The following PCSK6 variants were observed in gnomAD, a reference collection of about 807,000 sequenced individuals.
PCSK6 encodes paired basic amino acid cleaving enzyme 4.
PCSK6 carries 85 observed loss-of-function variants against 123.3 expected under a neutral mutation model. The observed-to-expected ratio is 0.69, with a 90% confidence interval of 0.58 to 0.83. PCSK6 has a LOEUF of 0.83. Among genes scored for constraint, PCSK6 ranks in the 40% least tolerant of loss-of-function variants. The pLI, the probability that PCSK6 is intolerant of heterozygous loss-of-function variation, is 0.00. For synonymous variants in PCSK6, 508 were observed against 516.0 expected (o/e 0.98, Z 0.21); for missense variants, 1,191 against 1,282.3 (o/e 0.93, Z 1.09).
Position 101,305,703 on chromosome 15 carries a change from C to T in PCSK6, c.2813-348G>A, listed in dbSNP as rs913436479. 1 of 182,404 alleles carries T rather than the reference C, an allele frequency of 5.5e-6. No individual in the cohort carries two copies. Among genetic ancestry groups the T allele is most frequent in the East Asian group, 1.4e-4 (1 of 7,052 alleles). 11.3% of individuals were successfully genotyped at this position (182,404 alleles called of 1,614,324 possible). On this transcript the variant is annotated intron_variant, in intron 21 of 21. Coordinates refer to ENST00000611716, the MANE Select transcript of PCSK6 (RefSeq NM_002570.5). This position sits in a 1 kb window ranked among gnomAD's most constrained non-coding sequence, Gnocchi z 4.8. ...AGCCTGGGCAAGAAGAACAAAACTC[C>T]GTCTCAAAAATAAATAAATAAATAC...
chr15:101,337,498 T>TAAAGAA (rs2040508492), intron 13 of PCSK6: 1 of 152,218 alleles, frequency 6.6e-6, no homozygotes, highest in Admixed American at 6.5e-5. Flanking sequence ...TTGAGATATT[T>TAAAGAA]AAAGAAAAAT....
intron 5 of PCSK6, among the ~76,000 whole-genome samples, chr15:101,428,345 T>C (rs1450361632): frequency 1.3e-5 from 2 of 152,232 alleles, no homozygotes; most frequent in Non-Finnish European, 2.9e-5. Flanking sequence ...GGGTGGGTGC[T>C]GCGCCACCTC....
At chr15:101,357,603 C>T (rs2041080815) in intron 13 of PCSK6, among the ~76,000 whole-genome samples, 2 of 152,250 alleles carry the variant, frequency 1.3e-5, no homozygotes, top group South Asian at 4.1e-4. Context: ...GGCTGGGCTT[C>T]CCTCTCCACC....
intron 1 of PCSK6, among the ~76,000 whole-genome samples, chr15:101,482,116 T>G (rs1325818947): frequency 6.6e-6 from 1 of 152,272 alleles, no homozygotes; most frequent in Non-Finnish European, 1.5e-5. Flanking sequence ...CTTTTCTGTC[T>G]GATGATTTAC....
At chr15:101,358,473 A>C (rs547220783) in intron 13 of PCSK6, among the ~76,000 whole-genome samples, 2 of 152,242 alleles carry the variant, frequency 1.3e-5, no homozygotes, top group Admixed American at 1.3e-4. Context: ...GCATGGTACT[A>C]TTGGTTCCTG....
chr15:101,366,662 TC>T (rs1442649351), intron 12 of PCSK6, among the ~76,000 whole-genome samples: 1 of 152,054 alleles, frequency 6.6e-6, no homozygotes, highest in Non-Finnish European at 1.5e-5. Flanking sequence ...CCCGACAATT[TC>T]CTGCAGAAGG....
chr15:101,437,769 C>A (rs1308970113), intron 2 of PCSK6, among the ~76,000 whole-genome samples: 1 of 152,098 alleles, frequency 6.6e-6, no homozygotes, highest in Non-Finnish European at 1.5e-5. Context: ...CCCCTCTCCC[C>A]ACCGCCCGCC....
At chr15:101,418,520 ATTTTTTT>A (rs749644480) in intron 6 of PCSK6, among the ~76,000 whole-genome samples, 1 of 136,576 alleles carries the variant, frequency 7.3e-6, no homozygotes, top group African/African-American at 2.7e-5. Context: ...CCAATTTAGG[ATTTTTTT>A]TTTTTTTTTT....
chr15:101,473,660 C>T (rs1233533288), intron 1 of PCSK6, among the ~76,000 whole-genome samples: 1 of 152,130 alleles, frequency 6.6e-6, no homozygotes, highest in African/African-American at 2.4e-5. Flanking sequence ...GGTGGATCAC[C>T]TGAGGTCAGG....
intron 11 of PCSK6, among the ~76,000 whole-genome samples, chr15:101,374,955 A>C (rs1258532869): frequency 6.7e-6 from 1 of 150,134 alleles, no homozygotes; most frequent in African/African-American, 2.4e-5. Flanking sequence ...ACATGAAATT[A>C]CTTTTTTTTT....
At chr15:101,377,536 T>C (rs974485802) in intron 11 of PCSK6, among the ~76,000 whole-genome samples, 3 of 152,204 alleles carry the variant, frequency 2.0e-5, no homozygotes, top group Admixed American at 2.0e-4. Context: ...ACATGTTTAT[T>C]GGGGATTTTT....
At chr15:101,334,497 T>A (rs1236078808) in intron 13 of PCSK6, 1 of 152,188 alleles carries the variant, frequency 6.6e-6, no homozygotes, top group Non-Finnish European at 1.5e-5. Flanking sequence ...CCACTGCAGG[T>A]GCAGAAAACA....
At chr15:101,469,408 C>A (rs2141230474) in intron 1 of PCSK6, among the ~76,000 whole-genome samples, 1 of 152,200 alleles carries the variant, frequency 6.6e-6, no homozygotes, top group Non-Finnish European at 1.5e-5. Flanking sequence ...GGCGAGAAAC[C>A]ATTCCTTCAT....
chr15:101,401,705 CGGATGATCCGTGT>C (rs942320171), intron 6 of PCSK6, among the ~76,000 whole-genome samples: 12 of 152,280 alleles, frequency 7.9e-5, no homozygotes, highest in African/African-American at 2.9e-4. Flanking sequence ...CAAATGAAAT[CGGATGATCCGTGT>C]AAAGGGTCTG....
chr15:101,411,502 G>A (rs372350192), intron 6 of PCSK6, among the ~76,000 whole-genome samples: 1 of 152,290 alleles, frequency 6.6e-6, no homozygotes. Context: ...ACCACCCACA[G>A]CCACATGGGG....
intron 1 of PCSK6, among the ~76,000 whole-genome samples, chr15:101,465,835 C>T (rs564646576): frequency 1.3e-5 from 2 of 152,092 alleles, no homozygotes; most frequent in African/African-American, 2.4e-5. Context: ...GAAGTATAAT[C>T]GACACATTAA....
chr15:101,487,484 C>T (rs1248209405), intron 1 of PCSK6, among the ~76,000 whole-genome samples: 1 of 152,184 alleles, frequency 6.6e-6, no homozygotes, highest in East Asian at 1.9e-4. Context: ...CTCAAAGGGG[C>T]GGCATGGCCA....
At chr15:101,331,410 C>A (rs2040368263) in intron 15 of PCSK6, among the ~76,000 whole-genome samples, 1 of 152,218 alleles carries the variant, frequency 6.6e-6, no homozygotes, top group Admixed American at 6.5e-5. Flanking sequence ...TCCTTGAACC[C>A]AACCTTCCTG....
At chr15:101,341,513 T>C (rs2040608242) in intron 13 of PCSK6, among the ~76,000 whole-genome samples, 1 of 152,026 alleles carries the variant, frequency 6.6e-6, no homozygotes, top group African/African-American at 2.4e-5. Flanking sequence ...CTGGCCACCT[T>C]GGCCTCCCAA....
Sources: allele counts gnomAD v4.1 joint callset (sites outside exome capture counted in the v4.1 genomes callset), GRCh38; gene constraint gnomAD v4.1.1; non-coding constraint Gnocchi (gnomAD v3.1); transcripts MANE v1.5; gene names NCBI Gene and HGNC (gene_info 2026-07-23, HGNC 2026-07-21).